The following DIPK2B variants were observed in gnomAD, a reference collection of about 807,000 sequenced individuals.
DIPK2B encodes the protein UPF0672 protein CXorf36.
In DIPK2B, 15 loss-of-function variants were observed where a neutral mutation model predicts 22.2. That is an observed-to-expected ratio of 0.68 (90% CI 0.45 to 1.04). The LOEUF is 1.04. DIPK2B is among the 50% of genes least tolerant of loss of function. The probability of loss-of-function intolerance (pLI) is 0.00; values close to 1 mark genes in which losing one functional copy is unlikely to be tolerated. For missense variants in DIPK2B, 345 were observed against 348.3 expected (o/e 0.99, Z 0.08); for synonymous variants, 163 against 153.2 (o/e 1.06, Z -0.47).
At chrX:45,168,137 C>T (rs986792958) in intron 2 of DIPK2B, among the ~76,000 whole-genome samples, 1 of 112,700 alleles carries the variant, frequency 8.9e-6, no homozygotes, top group East Asian at 2.8e-4. Context: ...GCTCCCAAAT[C>T]GTTTCAATGT....
Position 45,151,454 on chromosome X carries a change from C to G in DIPK2B, c.*198G>C, listed in dbSNP as rs145701412. ...CACACCCAGGTCTTCTGATGCCCAC[C>G]GCGGGCTTTGCCAGGACGTCCCAGC... is the stretch of plus-strand genomic sequence containing the variant. On this transcript the variant is annotated 3_prime_UTR_variant, in exon 5 of 5. Coordinates refer to ENST00000398000, the MANE Select transcript of DIPK2B (RefSeq NM_176819.4). 4.5e-6 allele frequency: 2 copies of G among 444,480 alleles called. No individual in the cohort carries two copies. The highest frequency in any genetic ancestry group is 7.7e-6 in the Non-Finnish European group (2 of 260,118). The allele number at this position is 444,480 out of a possible 1,213,427, so 36.6% of individuals were successfully genotyped here. A position where few individuals can be genotyped will look rare whatever the true frequency, so the allele number is the denominator to read the frequency against.
At chrX:45,168,130 C>A (rs1440737629) in intron 2 of DIPK2B, among the ~76,000 whole-genome samples, 4 of 112,636 alleles carry the variant, frequency 3.6e-5, no homozygotes, top group African/African-American at 1.3e-4. Context: ...GTAGATAGCT[C>A]CCAAATCGTT....
intron 2 of DIPK2B, among the ~76,000 whole-genome samples, chrX:45,158,556 C>CT (rs200169453): frequency 0.12 from 12,887 of 106,457 alleles, 750 homozygotes; most frequent in East Asian, 0.39. Context: ...CGAACCTAGG[C>CT]TTTTTTTTTT....
intron 2 of DIPK2B, among the ~76,000 whole-genome samples, chrX:45,172,596 C>A (rs1353367532): frequency 1.8e-5 from 2 of 111,440 alleles, no homozygotes; most frequent in Non-Finnish European, 3.8e-5. Context: ...CATTCCAGGG[C>A]CCCTGGAACC....
intron 1 of DIPK2B, among the ~76,000 whole-genome samples, chrX:45,200,026 G>A (rs982404931): frequency 2.7e-5 from 3 of 112,136 alleles, no homozygotes; most frequent in African/African-American, 9.7e-5. Context: ...TACTTATTCG[G>A]TGGTGACCTT....
chrX:45,185,471 G>C (rs944292979), intron 2 of DIPK2B, among the ~76,000 whole-genome samples: 3 of 110,285 alleles, frequency 2.7e-5, no homozygotes, highest in African/African-American at 6.6e-5. Context: ...TTCAGGCTTC[G>C]GTTACGTTTT....
intron 1 of DIPK2B, among the ~76,000 whole-genome samples, chrX:45,194,504 C>T (rs7889532): frequency 0.21 from 22,657 of 110,381 alleles, 1,908 homozygotes; most frequent in African/African-American, 0.32. Context: ...CCCGCCTCAG[C>T]CTCCCAAAGT....
At chrX:45,172,142 A>G (rs779706565) in intron 2 of DIPK2B, among the ~76,000 whole-genome samples, 168 of 112,337 alleles carry the variant, frequency 1.5e-3, no homozygotes, top group African/African-American at 5.3e-3. Flanking sequence ...GGAGCCAGAT[A>G]GGAACTTACA....
Position 45,153,893 on chromosome X carries a change from AG to A in DIPK2B, c.961+16del. The A allele has an allele frequency of 8.3e-7, 1 of 1,197,754 alleles. No homozygotes were observed. The highest frequency in any genetic ancestry group is 1.7e-5 in the African/African-American group (1 of 57,431). On this transcript the variant is annotated intron_variant, in intron 4 of 4. Coordinates refer to ENST00000398000, the MANE Select transcript of DIPK2B (RefSeq NM_176819.4). The stretch of plus-strand genomic sequence containing the variant: ...CTTTCCCTCTGACAGCTGCTCAGCC[AG>A]GCCCATGCTGAGTACCTTCCTGCTT...
At chrX:45,163,557 C>CA (rs766313094) in intron 2 of DIPK2B, 2 of 752,524 alleles carry the variant, frequency 2.7e-6, no homozygotes, top group East Asian at 1.5e-4. Context: ...AGTGTTTGCT[C>CA]AAAAAACATC....
At chrX:45,168,132 C>T (rs2047059357) in intron 2 of DIPK2B, among the ~76,000 whole-genome samples, 1 of 112,609 alleles carries the variant, frequency 8.9e-6, no homozygotes, top group Non-Finnish European at 1.9e-5. Context: ...AGATAGCTCC[C>T]AAATCGTTTC....
At chrX:45,186,491 T>G in intron 2 of DIPK2B, among the ~76,000 whole-genome samples, 1 of 112,094 alleles carries the variant, frequency 8.9e-6, no homozygotes, top group Non-Finnish European at 1.9e-5. Flanking sequence ...TTTCCACTAA[T>G]AGTCATTTCA....
Position 45,154,174 on chromosome X carries a change from G to T in DIPK2B, c.697C>A (p.Pro233Thr). Residue 233 changes from proline to threonine, a missense_variant, in exon 4 of 5, where the codon CCG becomes ACG. Transcript: ENST00000398000. ...LQIFPGAEGW[P>T]LPKYLGSCGR... is the part of the protein sequence containing the mutation. ...CAGGAGCCCAGGTACTTGGGCAGCGGCCATCCCTCAGCCCCAGGGAAGATC... is the reference window on the plus strand; with the variant it reads ...CAGGAGCCCAGGTACTTGGGCAGCGTCCATCCCTCAGCCCCAGGGAAGATC... 1 of 1,205,820 alleles carries T rather than the reference G, an allele frequency of 8.3e-7. No homozygotes were observed. Among genetic ancestry groups the T allele is most frequent in the Non-Finnish European group, 1.1e-6 (1 of 893,104 alleles).
intron 3 of DIPK2B, among the ~76,000 whole-genome samples, chrX:45,155,048 G>T (rs1464229317): frequency 8.9e-6 from 1 of 112,725 alleles, no homozygotes; most frequent in Non-Finnish European, 1.9e-5. Context: ...AGCACTTTGG[G>T]AGGCCGACGC....
At chrX:45,170,754 T>C (rs1306377393) in intron 2 of DIPK2B, among the ~76,000 whole-genome samples, 1 of 112,647 alleles carries the variant, frequency 8.9e-6, no homozygotes, top group Non-Finnish European at 1.9e-5. Context: ...ATGGCTTTTC[T>C]AGTGACACAC....
Position 45,200,621 on chromosome X carries a change from C to T in DIPK2B, c.206G>A (p.Cys69Tyr), listed in dbSNP as rs2047261998. ...TATTTCTTCTTTAAAGAACTTCTTG[C>T]AAATAGATGTCCCGATGCAGGCATT... ...KCNACIGTSI[C>Y]KKFFKEEIRS... The change falls in exon 1 of 5, where the codon TGC (cysteine) becomes TAC (tyrosine). Residue 69 changes from cysteine (C) to tyrosine (Y), a missense_variant. Coordinates refer to ENST00000398000, the MANE Select transcript of DIPK2B (RefSeq NM_176819.4). 8.3e-7 allele frequency: 1 copy of T among 1,211,577 alleles called. No homozygotes were observed. Among genetic ancestry groups the T allele is most frequent in the Non-Finnish European group, 1.1e-6 (1 of 895,054 alleles).
chrX:45,172,124 G>A (rs1418399981), intron 2 of DIPK2B, among the ~76,000 whole-genome samples: 1 of 112,234 alleles, frequency 8.9e-6, no homozygotes, highest in African/African-American at 3.2e-5. Flanking sequence ...GAGAAGCAAG[G>A]CAGGACTGGA....
intron 2 of DIPK2B, chrX:45,163,288 C>T (rs2047031439): frequency 1.8e-6 from 1 of 551,962 alleles, no homozygotes; most frequent in East Asian, 1.7e-4. Context: ...TTGCCAATCC[C>T]CACAATCATG....
chrX:45,155,961 C>CTTTTTTTTTTTTTTTTTTT lies in DIPK2B; in HGVS notation c.672+1735_672+1753dup, dbSNP rs757375184. On this transcript the variant is annotated intron_variant, in intron 3 of 4. Transcript: ENST00000398000. The stretch of plus-strand genomic sequence containing the variant: ...AGTTTCCCCTGCCTAAAGGGGACCT[C>CTTTTTTTTTTTTTTTTTTT]TTTTTTTTTTTTTTTTTTTTTTTTA... Among the ~76,000 whole-genome samples, 13 of 55,259 alleles carry CTTTTTTTTTTTTTTTTTTT rather than the reference C, an allele frequency of 2.4e-4. 2 individuals are homozygous for CTTTTTTTTTTTTTTTTTTT. Among genetic ancestry groups the CTTTTTTTTTTTTTTTTTTT allele is most frequent in the African/African-American group, 8.0e-4 (11 of 13,762 alleles). 48.0% of individuals were successfully genotyped at this position (55,259 alleles called of 115,157 possible). A position where few individuals can be genotyped will look rare whatever the true frequency, so the allele number is the denominator to read the frequency against.
Sources: gnomAD v4.1 joint callset for allele counts (sites outside exome capture counted in the v4.1 genomes callset) on GRCh38, gnomAD v4.1.1 for gene constraint, MANE v1.5 for transcripts, NCBI Gene and HGNC (gene_info 2026-07-23, HGNC 2026-07-21) for gene names.